TBC1D15: variants seen among roughly 807,000 people sequenced by gnomAD.
TBC1D15 encodes GAP for RAB7.
A neutral mutation model predicts 95.4 loss-of-function variants in TBC1D15; 39 were observed. That is an observed-to-expected ratio of 0.41 (90% CI 0.32 to 0.53). The LOEUF (loss-of-function observed/expected upper bound fraction) is 0.53, where lower values mean the gene tolerates loss of function less well. TBC1D15 is among the 20% of genes least tolerant of loss of function. The pLI, the probability that TBC1D15 is intolerant of heterozygous loss-of-function variation, is 0.29. For synonymous variants in TBC1D15, 258 were observed against 261.3 expected (o/e 0.99, Z 0.12); for missense variants, 733 against 794.3 (o/e 0.92, Z 0.93).
intron 11 of TBC1D15, among the ~76,000 whole-genome samples, chr12:71,909,728 C>T (rs907642601): frequency 1.1e-4 from 16 of 152,056 alleles, no homozygotes; most frequent in African/African-American, 2.7e-4. Flanking sequence ...GTTCATTTCT[C>T]GCCTGCCCCC....
chr12:71,920,736 G>A lies in TBC1D15; in HGVS notation c.1605G>A (p.Met535Ile). Residue 535 changes from methionine to isoleucine, a missense_variant, in exon 15 of 17, where the codon ATG (methionine) becomes ATA (isoleucine). Met to Ile is a conservative substitution (Grantham distance 10). Transcript: ENST00000485960. Reference protein sequence around the residue: ...FLDILRLWEVMWTELPCTNFH... With the variant: ...FLDILRLWEVIWTELPCTNFH... ...AGTTCTTCTGCCTTCTATAGGTAAT[G>A]TGGACCGAACTACCATGTACAAATT... The A allele has an allele frequency of 6.2e-7, 1 of 1,610,908 alleles. No homozygotes were observed. Among genetic ancestry groups the A allele is most frequent in the Admixed American group, 1.7e-5 (1 of 59,684 alleles).
chr12:71,878,541 A>G (rs1894447681), intron 3 of TBC1D15, among the ~76,000 whole-genome samples: 1 of 146,420 alleles, frequency 6.8e-6, no homozygotes, highest in Non-Finnish European at 1.5e-5. Flanking sequence ...TTTTTGGAGG[A>G]GTCTCTCTCT....
chr12:71,894,609 C>A (rs1460418313), intron 6 of TBC1D15, 77 bp from the exon 7 acceptor site: 5 of 1,327,650 alleles, frequency 3.8e-6, no homozygotes, highest in Non-Finnish European at 4.2e-6. Flanking sequence ...AAAAGCTTTG[C>A]TTTTTTGCTC....
At chr12:71,893,997 ACT>A (rs1256784672) in intron 6 of TBC1D15, among the ~76,000 whole-genome samples, 1 of 152,016 alleles carries the variant, frequency 6.6e-6, no homozygotes, top group East Asian at 1.9e-4. Context: ...AGAACTAAAC[ACT>A]GTTTAAAATG....
intron 1 of TBC1D15, chr12:71,849,144 C>T (rs1887086229): frequency 9.1e-6 from 2 of 219,900 alleles, no homozygotes. Context: ...ATAAAAGTAT[C>T]AGAAGTTAAC....
At chr12:71,865,325 G>A (rs894790467) in intron 1 of TBC1D15, among the ~76,000 whole-genome samples, 8 of 152,154 alleles carry the variant, frequency 5.3e-5, no homozygotes, top group African/African-American at 1.9e-4. Flanking sequence ...TAACTGGAGG[G>A]CAGGGCACAA....
intron 5 of TBC1D15, among the ~76,000 whole-genome samples, 182 bp downstream of exon 5, chr12:71,885,203 G>A (rs1410695539): frequency 1.3e-5 from 2 of 152,144 alleles, no homozygotes; most frequent in Admixed American, 1.3e-4. Flanking sequence ...TGTTATTTTA[G>A]TAATTTGAAT....
At chr12:71,906,690 G>A (rs1900795319) in intron 10 of TBC1D15, among the ~76,000 whole-genome samples, 1 of 151,168 alleles carries the variant, frequency 6.6e-6, no homozygotes, top group African/African-American at 2.4e-5. Flanking sequence ...TTAATGACTG[G>A]CATTTTTGTT....
chr12:71,856,418 G>A (rs1402881280), intron 1 of TBC1D15, among the ~76,000 whole-genome samples: 2 of 152,072 alleles, frequency 1.3e-5, no homozygotes, highest in East Asian at 3.9e-4. Context: ...CTGATTCTTT[G>A]TAGAATTTGG....
intron 3 of TBC1D15, among the ~76,000 whole-genome samples, chr12:71,874,586 TA>T (rs1156995841): frequency 6.6e-6 from 1 of 151,998 alleles, no homozygotes; most frequent in Non-Finnish European, 1.5e-5. Context: ...ATGCCTGTTC[TA>T]AATCTTTTGC....
intron 2 of TBC1D15, 107 bp downstream of exon 2, chr12:71,872,275 A>G (rs1892861934): frequency 3.6e-6 from 2 of 560,792 alleles, no homozygotes; most frequent in South Asian, 4.0e-5. Context: ...CAATTATGTA[A>G]TTGAACAGTA....
chr12:71,876,493 G>A (rs1186430297), intron 3 of TBC1D15, among the ~76,000 whole-genome samples: 3 of 152,100 alleles, frequency 2.0e-5, no homozygotes, highest in Non-Finnish European at 2.9e-5. Context: ...CTTCTCACAA[G>A]CTTATCCTGG....
At chr12:71,913,679 C>A in intron 11 of TBC1D15, 147 bp from the exon 12 acceptor site, 1 of 571,670 alleles carries the variant, frequency 1.7e-6, no homozygotes, top group Non-Finnish European at 3.0e-6. Context: ...CATTTATATT[C>A]TTTTCTTGGT....
At chr12:71,875,926 T>G (rs1394507806) in intron 3 of TBC1D15, among the ~76,000 whole-genome samples, 1 of 151,912 alleles carries the variant, frequency 6.6e-6, no homozygotes, top group Non-Finnish European at 1.5e-5. Context: ...GCCTCTCGAG[T>G]AGCTGGGACT....
chr12:71,903,368 CAG>C (rs1899905045), intron 10 of TBC1D15, among the ~76,000 whole-genome samples: 1 of 152,124 alleles, frequency 6.6e-6, no homozygotes, highest in Admixed American at 6.5e-5. Flanking sequence ...CAAAAAATAA[CAG>C]ATGCTGGTGA....
chr12:71,844,049 C>T (rs1049381066), intron 1 of TBC1D15, among the ~76,000 whole-genome samples: 1 of 152,146 alleles, frequency 6.6e-6, no homozygotes, highest in African/African-American at 2.4e-5. Context: ...CTTGACTGTT[C>T]TCCCCTTCAC....
At chr12:71,875,393 TTATC>T (rs1286605940) in intron 3 of TBC1D15, among the ~76,000 whole-genome samples, 5 of 152,204 alleles carry the variant, frequency 3.3e-5, no homozygotes, top group Admixed American at 1.3e-4. Flanking sequence ...GAAGTCAAGT[TTATC>T]TATTTTTTTT....
chr12:71,858,762 G>T (rs148455372), intron 1 of TBC1D15, among the ~76,000 whole-genome samples: 4,748 of 151,814 alleles, frequency 0.031, 257 homozygotes, highest in African/African-American at 0.11. Flanking sequence ...TCACCATGTT[G>T]CCCAGGCTGG....
intron 4 of TBC1D15, among the ~76,000 whole-genome samples, chr12:71,881,344 A>C (rs919553066): frequency 5.3e-5 from 8 of 152,216 alleles, no homozygotes; most frequent in Non-Finnish European, 1.2e-4. Context: ...GAAGCTTTAC[A>C]TGAATGAGAA....
Sources: allele counts gnomAD v4.1 joint callset (sites outside exome capture counted in the v4.1 genomes callset), GRCh38; gene constraint gnomAD v4.1.1; transcripts MANE v1.5; gene names NCBI Gene and HGNC (gene_info 2026-07-23, HGNC 2026-07-21).